Variants in CNGA3 observed in about 807,000 individuals in gnomAD.
CNGA3 encodes the protein cyclic nucleotide-gated channel alpha-3.
Under a neutral mutation model 46.6 loss-of-function variants are expected in CNGA3, and 42 were observed. The observed-to-expected ratio is 0.90, with a 90% CI of 0.70 to 1.17. The LOEUF (loss-of-function observed/expected upper bound fraction) is 1.17. Ranked by LOEUF, CNGA3 falls within the 50% of genes most tolerant of loss-of-function variation. The probability of loss-of-function intolerance (pLI) is 0.00; values close to 1 mark genes in which losing one functional copy is unlikely to be tolerated. For missense variants in CNGA3, 893 were observed against 890.7 expected (o/e 1.00, Z -0.03); for synonymous variants, 394 against 369.4 (o/e 1.07, Z -0.76).
At chr2:98,359,031 G>A (rs1363796787) in intron 1 of CNGA3, among the ~76,000 whole-genome samples, 1 of 152,198 alleles carries the variant, frequency 6.6e-6, no homozygotes, top group Non-Finnish European at 1.5e-5. Context: ...TTTATTTGGG[G>A]AGTGATTCCA....
intron 1 of CNGA3, chr2:98,350,874 T>C (rs1290106146): frequency 6.6e-5 from 10 of 152,196 alleles, no homozygotes; most frequent in Admixed American, 6.5e-4. Flanking sequence ...TAACTCTACC[T>C]TCCTGTCATG....
chr2:98,347,338 C>G (rs1691656884), intron 1 of CNGA3, among the ~76,000 whole-genome samples: 1 of 152,180 alleles, frequency 6.6e-6, no homozygotes, highest in Non-Finnish European at 1.5e-5. Context: ...AATCCCCTAA[C>G]CGGATAAAGG....
At chr2:98,393,517 A>G (rs999950652) in intron 7 of CNGA3, among the ~76,000 whole-genome samples, 18 of 152,218 alleles carry the variant, frequency 1.2e-4, no homozygotes, top group African/African-American at 4.3e-4. Context: ...GCCTAGCGTC[A>G]TAACTTAGAA....
At chr2:98,372,173 C>T (rs1692301856) in intron 2 of CNGA3, among the ~76,000 whole-genome samples, 1 of 152,240 alleles carries the variant, frequency 6.6e-6, no homozygotes, top group East Asian at 1.9e-4. Context: ...GTCTGCCTGA[C>T]TTGACAGCAC....
chr2:98,383,484 G>GCCCTCCAC (rs1491560336), intron 5 of CNGA3, 43 bp downstream of exon 5: 2 of 1,603,436 alleles, frequency 1.2e-6, no homozygotes, highest in Non-Finnish European at 1.7e-6. Flanking sequence ...CAAGCCCGGT[G>GCCCTCCAC]CCCTCCACCC....
intron 1 of CNGA3, among the ~76,000 whole-genome samples, chr2:98,367,065 C>T (rs1692170851): frequency 6.6e-6 from 1 of 152,088 alleles, no homozygotes. Flanking sequence ...CTCCTTGGGA[C>T]TGCCTAGTCA....
At chr2:98,392,695 C>T (rs1173314533) in intron 7 of CNGA3, among the ~76,000 whole-genome samples, 1 of 152,160 alleles carries the variant, frequency 6.6e-6, no homozygotes, top group Non-Finnish European at 1.5e-5. Flanking sequence ...AGAGCTCAGT[C>T]AATCTTGGAG....
At chr2:98,352,868 G>A (rs1691796478) in intron 1 of CNGA3, among the ~76,000 whole-genome samples, 1 of 152,114 alleles carries the variant, frequency 6.6e-6, no homozygotes, top group African/African-American at 2.4e-5. Context: ...GGGCTTCTCA[G>A]CCTCTAATTC....
intron 2 of CNGA3, among the ~76,000 whole-genome samples, chr2:98,376,111 A>T (rs997938405): frequency 6.6e-6 from 1 of 152,070 alleles, no homozygotes; most frequent in African/African-American, 2.4e-5. Context: ...CCAATACTTA[A>T]TTCCAAAAAA....
rs541341796 is a variant in CNGA3, at chr2:98,377,307, C to T, written c.102-380C>T. 1.3e-4 allele frequency: 29 copies of T among 222,284 alleles called. No homozygotes were observed. The East Asian group carries it at 1.9e-3, about 15-fold the overall frequency. The allele number at this position is 222,284 out of a possible 1,614,324, so 13.8% of individuals were successfully genotyped here. ...GCCTCAGAAGATGAAATTCAGTAGG[C>T]GAGAAGTGTTGGAACCAAAATCCTC... is the stretch of plus-strand genomic sequence containing the variant. On this transcript the variant is annotated intron_variant, in intron 2 of 7. Transcript: ENST00000272602.
intron 3 of CNGA3, chr2:98,378,118 G>A (rs1279648747): frequency 7.7e-6 from 12 of 1,550,788 alleles, no homozygotes; most frequent in Non-Finnish European, 1.0e-5. Context: ...CCAGCCGTGG[G>A]AGACCTTTGA....
At chr2:98,389,423 C>T (rs116263057) in intron 5 of CNGA3, among the ~76,000 whole-genome samples, 368 of 152,274 alleles carry the variant, frequency 2.4e-3, no homozygotes, top group African/African-American at 8.1e-3. Flanking sequence ...ACCTTATAGT[C>T]GACCGTGACC....
At chr2:98,381,628 C>T (rs1163771297) in intron 4 of CNGA3, among the ~76,000 whole-genome samples, 2 of 152,154 alleles carry the variant, frequency 1.3e-5, no homozygotes, top group African/African-American at 2.4e-5. Flanking sequence ...TTGCCAGTGA[C>T]TGCTTTAGGA....
intron 3 of CNGA3, chr2:98,378,045 G>A (rs1385851191): frequency 1.9e-6 from 3 of 1,548,828 alleles, no homozygotes; most frequent in Non-Finnish European, 2.6e-6. Context: ...CTGACATTGA[G>A]GTACTTGCTC....
intron 5 of CNGA3, among the ~76,000 whole-genome samples, chr2:98,385,299 G>C (rs549679154): frequency 6.6e-6 from 1 of 152,366 alleles, no homozygotes; most frequent in South Asian, 2.1e-4. Flanking sequence ...CCTGAAAAGA[G>C]ACCAGGGTTC....
At chr2:98,360,310 G>A (rs1691999094) in intron 1 of CNGA3, among the ~76,000 whole-genome samples, 2 of 152,222 alleles carry the variant, frequency 1.3e-5, no homozygotes, top group South Asian at 2.1e-4. Flanking sequence ...CAGAGGTACT[G>A]CCTCCATGCA....
intron 1 of CNGA3, among the ~76,000 whole-genome samples, chr2:98,349,620 G>A (rs1691731532): frequency 6.6e-6 from 1 of 152,214 alleles, no homozygotes; most frequent in South Asian, 2.1e-4. Context: ...AGCCATCCTG[G>A]GGAGAGAGAA....
At chr2:98,381,467 G>C (rs1205012330) in intron 4 of CNGA3, among the ~76,000 whole-genome samples, 1 of 152,188 alleles carries the variant, frequency 6.6e-6, no homozygotes, top group Admixed American at 6.5e-5. Context: ...GAAGTCTCAG[G>C]GGAAACCCAG....
In CNGA3 at chr2:98,378,040, A is replaced by G. The variant is rs1692448815; in HGVS notation, c.215+240A>G. On this transcript the variant is annotated intron_variant, in intron 3 of 7. Coordinates refer to ENST00000272602, the MANE Select transcript of CNGA3 (RefSeq NM_001298.3). ...CTGAAATTGCTTAATAAAAGCTGAC[A>G]TTGAGGTACTTGCTCAGGTTTGGAA... The G allele has an allele frequency of 3.9e-6, 6 of 1,548,994 alleles. No homozygotes were observed. The East Asian group carries it at 1.5e-4, about 38-fold the overall frequency.
Sources: gnomAD v4.1 joint callset for allele counts (sites outside exome capture counted in the v4.1 genomes callset) on GRCh38, gnomAD v4.1.1 for gene constraint, MANE v1.5 for transcripts, NCBI Gene and HGNC (gene_info 2026-07-23, HGNC 2026-07-21) for gene names.